The following MIPEP variants were observed in gnomAD, a reference collection of about 807,000 sequenced individuals.
The protein encoded by MIPEP is mitochondrial intermediate peptidase.
Under a neutral mutation model 90.3 loss-of-function variants are expected in MIPEP, and 79 were observed. The observed-to-expected ratio is 0.87, with a 90% CI of 0.73 to 1.05. The LOEUF is 1.05. Ranked by LOEUF, MIPEP falls within the 50% of genes least tolerant of loss-of-function variation. The pLI is 0.00. For synonymous variants in MIPEP, 334 were observed against 315.8 expected, an observed-to-expected ratio of 1.06 and a Z score of -0.61; for missense variants, 940 against 905.6, an observed-to-expected ratio of 1.04 and a Z score of -0.49.
intron 18 of MIPEP, among the ~76,000 whole-genome samples, chr13:23,748,628 T>A: frequency 6.6e-6 from 1 of 152,338 alleles, no homozygotes; most frequent in South Asian, 2.1e-4. Flanking sequence ...TAAATCATCT[T>A]ATCTTTTAAT....
chr13:23,816,103 C>T (rs1953233639), intron 14 of MIPEP, among the ~76,000 whole-genome samples: 1 of 152,184 alleles, frequency 6.6e-6, no homozygotes, highest in Admixed American at 6.5e-5. Flanking sequence ...TGGTTTCCAG[C>T]CGTTTGACAA....
At chr13:23,753,648 A>C (rs2138507955) in intron 18 of MIPEP, among the ~76,000 whole-genome samples, 1 of 152,342 alleles carries the variant, frequency 6.6e-6, no homozygotes, top group East Asian at 1.9e-4. Context: ...ACATCAGGGA[A>C]AAAAGAAAGT....
intron 14 of MIPEP, among the ~76,000 whole-genome samples, chr13:23,835,560 G>C (rs998849498): frequency 8.5e-5 from 13 of 152,052 alleles, no homozygotes; most frequent in Admixed American, 2.0e-4. Context: ...TACAGTCTGA[G>C]GGGGAAAAAC....
intron 18 of MIPEP, among the ~76,000 whole-genome samples, chr13:23,754,788 G>A (rs551387428): frequency 6.6e-6 from 1 of 152,312 alleles, no homozygotes; most frequent in South Asian, 2.1e-4. Context: ...TTAGCTCGGG[G>A]TGGGCTGGCG....
rs1952524521 is a variant in MIPEP at position 23,760,110 on chromosome 13, C to A, written c.1956G>T (p.Gln652His). The A allele has an allele frequency of 6.2e-7, 1 of 1,613,974 alleles. No homozygotes were observed. The highest frequency in any genetic ancestry group is 1.7e-5 in the Admixed American group (1 of 60,000). Residue 652 changes from glutamine (Q) to histidine (H), a missense_variant, in exon 17 of 19, where the codon CAG (glutamine) becomes CAT (histidine). Physicochemically the swap from Gln to His is conservative, Grantham distance 24 (BLOSUM62 0). Coordinates refer to ENST00000382172, the MANE Select transcript of MIPEP (RefSeq NM_005932.4). ...TACCCCCTTACCTGTTGAAAGGATC[C>A]TGTAGAAAACACTCCTTCCAAACCA... is the stretch of plus-strand genomic sequence containing the variant. ...ASMVWKECFL[Q>H]DPFNRAAGER...
chr13:23,831,433 A>G (rs144099053), intron 14 of MIPEP, among the ~76,000 whole-genome samples: 132 of 147,632 alleles, frequency 8.9e-4, no homozygotes, highest in African/African-American at 3.3e-3. Flanking sequence ...GTGTTGCTAT[A>G]ACAGAATATC....
At chr13:23,773,023 C>G (rs1235966565) in intron 16 of MIPEP, among the ~76,000 whole-genome samples, 1 of 152,134 alleles carries the variant, frequency 6.6e-6, no homozygotes, top group African/African-American at 2.4e-5. Context: ...TTCAAGTGTA[C>G]ACTTTAATGG....
At chr13:23,876,955 T>G (rs1398207180) in intron 4 of MIPEP, among the ~76,000 whole-genome samples, 3 of 152,242 alleles carry the variant, frequency 2.0e-5, no homozygotes, top group African/African-American at 7.2e-5. Flanking sequence ...GAAATGACAC[T>G]TTTATCACAT....
chr13:23,852,387 T>A (rs922617805), intron 10 of MIPEP, among the ~76,000 whole-genome samples: 1 of 152,218 alleles, frequency 6.6e-6, no homozygotes, highest in African/African-American at 2.4e-5. Context: ...AAGACTGAGA[T>A]GACATGAGGG....
chr13:23,735,707 G>T (rs1297286846), intron 18 of MIPEP, among the ~76,000 whole-genome samples: 4 of 152,174 alleles, frequency 2.6e-5, no homozygotes, highest in Non-Finnish European at 5.9e-5. Context: ...GAGCTAACTG[G>T]TTTGGTGATT....
At chr13:23,803,743 T>C (rs969669188) in intron 16 of MIPEP, among the ~76,000 whole-genome samples, 2 of 152,218 alleles carry the variant, frequency 1.3e-5, no homozygotes, top group African/African-American at 4.8e-5. Context: ...TCCACCAACT[T>C]GATGTCGGGA....
intron 2 of MIPEP, among the ~76,000 whole-genome samples, chr13:23,882,163 G>A (rs1871298794): frequency 6.7e-6 from 1 of 150,294 alleles, no homozygotes; most frequent in South Asian, 2.1e-4. Context: ...TCCGCCTCTC[G>A]GGTTCACGCC....
At chr13:23,748,241 C>T (rs78411439) in intron 18 of MIPEP, among the ~76,000 whole-genome samples, 27,501 of 152,178 alleles carry the variant, frequency 0.18, 3,289 homozygotes, top group Non-Finnish European at 0.27. Context: ...GAAACAATTG[C>T]TCTTTTAAGT....
intron 14 of MIPEP, among the ~76,000 whole-genome samples, chr13:23,824,949 T>TTCAC (rs1293247166): frequency 2.1e-4 from 32 of 152,226 alleles, no homozygotes; most frequent in Non-Finnish European, 1.5e-5. Flanking sequence ...CATTTTAATG[T>TTCAC]GTGATAGGGA....
intron 16 of MIPEP, among the ~76,000 whole-genome samples, chr13:23,785,182 T>C (rs1327994735): frequency 1.3e-5 from 2 of 152,144 alleles, no homozygotes; most frequent in African/African-American, 4.8e-5. Context: ...ATAAAGGCAC[T>C]TGCACATGTA....
chr13:23,799,000 G>GTTTTTTTTTTTTTTTTTTTTTTTTTT (rs765292524), intron 16 of MIPEP, among the ~76,000 whole-genome samples: 1 of 88,904 alleles, frequency 1.1e-5, no homozygotes, highest in African/African-American at 4.7e-5. Flanking sequence ...AATTTTTTTG[G>GTTTTTTTTTTTTTTTTTTTTTTTTTT]TTTTTTTTTT....
At chr13:23,883,169 A>G (rs916916665) in intron 2 of MIPEP, among the ~76,000 whole-genome samples, 1 of 152,180 alleles carries the variant, frequency 6.6e-6, no homozygotes, top group Non-Finnish European at 1.5e-5. Context: ...AGAACAGAGA[A>G]AGGTTCTTTT....
rs2137550971 is a variant in MIPEP at position 23,889,113 on chromosome 13, C to T, written c.189+19G>A. The T allele has an allele frequency of 2.2e-6, 3 of 1,394,946 alleles. No homozygotes were observed. Among genetic ancestry groups the T allele is most frequent in the Non-Finnish European group, 2.8e-6 (3 of 1,075,950 alleles). 86.4% of individuals were successfully genotyped at this position (1,394,946 alleles called of 1,614,324 possible). On this transcript the variant is annotated intron_variant, in intron 1 of 18. Transcript: ENST00000382172. ...GGCTTAGCTCGGGGACTGAGGGGAG[C>T]TCCTCCTGCGCCGCTCACCCGGCGC...
At chr13:23,805,705 G>A (rs1953099730) in intron 16 of MIPEP, among the ~76,000 whole-genome samples, 2 of 152,118 alleles carry the variant, frequency 1.3e-5, no homozygotes, top group African/African-American at 4.8e-5. Flanking sequence ...CAACTCCAAT[G>A]GCCTTTTTAA....
Sources: allele counts gnomAD v4.1 joint callset (sites outside exome capture counted in the v4.1 genomes callset), GRCh38; gene constraint gnomAD v4.1.1; transcripts MANE v1.5; gene names NCBI Gene and HGNC (gene_info 2026-07-23, HGNC 2026-07-21).